Variants in MYCBP2 observed in about 807,000 individuals in gnomAD.
MYCBP2 encodes the protein E3 ubiquitin-protein ligase MYCBP2.
A neutral mutation model predicts 525.3 loss-of-function variants in MYCBP2; 120 were observed. The observed-to-expected ratio is 0.23, with a 90% CI of 0.20 to 0.27. The LOEUF (loss-of-function observed/expected upper bound fraction) is 0.27. Among genes scored for constraint, MYCBP2 ranks in the 10% least tolerant of loss-of-function variants. The pLI is 1.00. For synonymous variants in MYCBP2, 1,894 were observed against 1,955.8 expected (o/e 0.97, Z 0.83); for missense variants, 4,149 against 5,657.1 (o/e 0.73, Z 8.55).
intron 4 of MYCBP2, among the ~76,000 whole-genome samples, chr13:77,277,226 T>C (rs1319255717): frequency 6.6e-6 from 1 of 151,978 alleles, no homozygotes; most frequent in Non-Finnish European, 1.5e-5. Context: ...ACAAACCAAA[T>C]CCAAGAAAAC....
chr13:77,153,353 C>T (rs1271689338), intron 46 of MYCBP2, among the ~76,000 whole-genome samples: 1 of 152,186 alleles, frequency 6.6e-6, no homozygotes, highest in Non-Finnish European at 1.5e-5. Context: ...CCTCAGTGCT[C>T]GCCATCCTGC....
rs1321553572 is a variant in MYCBP2 at position 77,326,193 on chromosome 13, CA to C, written c.302+280del. 2.6e-5 allele frequency among the ~76,000 whole-genome samples: 4 copies of C among 151,412 alleles called. No individual in the cohort carries two copies. Among genetic ancestry groups the C allele is most frequent in the Non-Finnish European group, 5.9e-5 (4 of 67,960 alleles). On this transcript the variant is annotated intron_variant, in intron 1 of 82. Coordinates refer to ENST00000544440, the MANE Select transcript of MYCBP2 (RefSeq NM_015057.5). This position sits in a 1 kb window ranked among gnomAD's most constrained non-coding sequence, Gnocchi z 4.2. ...CCAGCACCATCGCCTTTTCCAGCATCACAGGTTCCCCTACCACCCCTCACTA... is the reference window on the plus strand; with the variant it reads ...CCAGCACCATCGCCTTTTCCAGCATCCAGGTTCCCCTACCACCCCTCACTA...
At chr13:77,282,165 C>T (rs1454608186) in intron 3 of MYCBP2, among the ~76,000 whole-genome samples, 2 of 152,134 alleles carry the variant, frequency 1.3e-5, no homozygotes, top group Non-Finnish European at 2.9e-5. Context: ...AATCCCAGCA[C>T]TTTGGGAGGC....
In MYCBP2 at chr13:77,058,415, G is replaced by A. The variant is rs752506341; in HGVS notation, c.13141-9C>T. ...GCTATCTTAGCGTATTCCTGTTAAA[G>A]ATGAATTACAATGTTACACAAGTAT... On this transcript the variant is annotated splice_polypyrimidine_tract_variant and intron_variant, in intron 77 of 82. Coordinates refer to ENST00000544440, the MANE Select transcript of MYCBP2 (RefSeq NM_015057.5). This position sits in a 1 kb window ranked among gnomAD's most constrained non-coding sequence, Gnocchi z 4.1. The A allele has an allele frequency of 5.7e-6, 9 of 1,575,384 alleles. No homozygotes were observed. The South Asian group carries it at 9.2e-5, about 16-fold the overall frequency.
intron 28 of MYCBP2, among the ~76,000 whole-genome samples, chr13:77,191,366 C>T (rs1303639407): frequency 2.0e-5 from 3 of 152,034 alleles, no homozygotes; most frequent in African/African-American, 7.2e-5. Context: ...TTTATGGTTC[C>T]AAACTCCTCA....
At chr13:77,066,971 T>C (rs1049372808) in intron 71 of MYCBP2, among the ~76,000 whole-genome samples, 1 of 152,182 alleles carries the variant, frequency 6.6e-6, no homozygotes, top group Non-Finnish European at 1.5e-5. Flanking sequence ...ACTTCTATAT[T>C]ATGCTAACAA....
intron 3 of MYCBP2, among the ~76,000 whole-genome samples, chr13:77,287,230 G>C (rs2076961424): frequency 6.9e-6 from 1 of 145,034 alleles, no homozygotes; most frequent in South Asian, 2.2e-4. Flanking sequence ...CTGTCACCCA[G>C]GCCGGAGTGC....
chr13:77,302,979 C>A (rs1036402958), intron 1 of MYCBP2, among the ~76,000 whole-genome samples: 6 of 152,164 alleles, frequency 3.9e-5, no homozygotes, highest in African/African-American at 1.2e-4. Context: ...TTCTAACATA[C>A]CTCTCTGTAA....
At chr13:77,284,188 T>C (rs2076490716) in intron 3 of MYCBP2, among the ~76,000 whole-genome samples, 1 of 151,348 alleles carries the variant, frequency 6.6e-6, no homozygotes, top group Non-Finnish European at 1.5e-5. Flanking sequence ...AAAACTGTAT[T>C]ACAACAACAC....
intron 52 of MYCBP2, among the ~76,000 whole-genome samples, chr13:77,137,098 T>A (rs2053873079): frequency 6.6e-6 from 1 of 152,172 alleles, no homozygotes; most frequent in Non-Finnish European, 1.5e-5. Flanking sequence ...CCCACAAGTA[T>A]CTGTATGCCT....
chr13:77,052,703 T>A (rs1245611588), intron 80 of MYCBP2, among the ~76,000 whole-genome samples: 3 of 152,260 alleles, frequency 2.0e-5, no homozygotes, highest in African/African-American at 7.2e-5. Context: ...TTAATAAATA[T>A]GCTTAGCAGT....
At chr13:77,204,885 C>G (rs1420576757) in intron 26 of MYCBP2, among the ~76,000 whole-genome samples, 2 of 114,544 alleles carry the variant, frequency 1.7e-5, no homozygotes, top group Non-Finnish European at 3.3e-5. Flanking sequence ...ACATCACACT[C>G]TGGAGACTGT....
intron 47 of MYCBP2, among the ~76,000 whole-genome samples, chr13:77,149,385 TC>T: frequency 6.6e-6 from 1 of 151,960 alleles, no homozygotes; most frequent in South Asian, 2.1e-4. Flanking sequence ...TGCTTGGAAA[TC>T]TTTTTTTTTT....
At chr13:77,059,189 A>T (rs1427284232) in intron 77 of MYCBP2, among the ~76,000 whole-genome samples, 1 of 152,190 alleles carries the variant, frequency 6.6e-6, no homozygotes, top group Admixed American at 6.5e-5. Context: ...GAACTCTTAG[A>T]TGTTGAAAAT....
At chr13:77,277,399 A>G (rs1014051634) in intron 4 of MYCBP2, among the ~76,000 whole-genome samples, 2 of 152,208 alleles carry the variant, frequency 1.3e-5, no homozygotes, top group African/African-American at 2.4e-5. Flanking sequence ...ATAGCTTTTA[A>G]TAACTGTGTA....
At position 77,205,554 on chromosome 13, in the gene MYCBP2, C is replaced by T; in HGVS notation, c.3634G>A (p.Val1212Ile). Residue 1212 changes from valine to isoleucine, a missense_variant, in exon 25 of 83, where the codon GTT becomes ATT. By Grantham distance (29) the Val-to-Ile change is conservative. Around this residue, in one of 21 missense-constraint regions of MYCBP2, gnomAD observed 620 missense variants for 795.5 expected, o/e 0.78. Transcript: ENST00000544440. Reference protein sequence around the residue: ...LAAMQDLKMGVASTEEETQAV... With the variant: ...LAAMQDLKMGIASTEEETQAV... ...TGAGTCTCTTCCTCTGTACTTGCAA[C>T]ACCCATTTTTAAGTCCTGCATAGCT... The T allele has an allele frequency of 6.2e-7, 1 of 1,613,504 alleles. No homozygotes were observed.
intron 54 of MYCBP2, among the ~76,000 whole-genome samples, chr13:77,125,002 T>C (rs979023089): frequency 5.3e-5 from 8 of 152,170 alleles, no homozygotes; most frequent in Non-Finnish European, 4.4e-5. Context: ...AATACCGAAG[T>C]TTCATTTTAT....
rs2058521255 is a variant in MYCBP2, at chr13:77,166,410, G to A, written c.6259C>T (p.His2087Tyr). The change falls in exon 41 of 83, where the codon CAT (histidine) becomes TAT (tyrosine). Residue 2087 changes from histidine (H) to tyrosine (Y), a missense_variant. By Grantham distance (83) the His-to-Tyr change is moderately conservative. Coordinates refer to ENST00000544440, the MANE Select transcript of MYCBP2 (RefSeq NM_015057.5). ...TCTATCCATGAATTAAGATTTTCAT[G>A]AACAGATGTCAATTTTGGTCCATAT... ...SGYGPKLTSVHENLNSWIELK... is the reference protein window; with the variant it reads ...SGYGPKLTSVYENLNSWIELK... 1 of 1,613,788 alleles carries A rather than the reference G, an allele frequency of 6.2e-7. No individual in the cohort carries two copies. The highest frequency in any genetic ancestry group is 1.3e-5 in the African/African-American group (1 of 74,866).
chr13:77,073,737 AGAAAT>A (rs1185902472), intron 68 of MYCBP2, among the ~76,000 whole-genome samples: 1 of 152,124 alleles, frequency 6.6e-6, no homozygotes, highest in Non-Finnish European at 1.5e-5. Flanking sequence ...TTTATACACT[AGAAAT>A]GAACAATTGG....
Sources: gnomAD v4.1 joint callset for allele counts (sites outside exome capture counted in the v4.1 genomes callset) on GRCh38, gnomAD v4.1.1 for gene constraint, gnomAD v4.1.1 regional missense constraint, Gnocchi (gnomAD v3.1) non-coding constraint, MANE v1.5 for transcripts, NCBI Gene and HGNC (gene_info 2026-07-23, HGNC 2026-07-21) for gene names.